The following FBN3 variants were observed in gnomAD, a reference collection of about 807,000 sequenced individuals.
The protein encoded by FBN3 is fibrillin 3.
In FBN3, 234 loss-of-function variants were observed where a neutral mutation model predicts 330.1. That is an observed-to-expected ratio of 0.71 (90% CI 0.64 to 0.79). The LOEUF is 0.79. FBN3 is among the 30% of genes least tolerant of loss of function. FBN3 has a pLI of 0.00. For synonymous variants in FBN3, 1,458 were observed against 1,517.3 expected (o/e 0.96, Z 0.91); for missense variants, 3,606 against 3,886.9 (o/e 0.93, Z 1.92).
intron 57 of FBN3, among the ~76,000 whole-genome samples, chr19:8,082,135 T>A (rs1055343432): frequency 3.3e-4 from 13 of 39,862 alleles, no homozygotes. Flanking sequence ...ATTTTTTTTC[T>A]TTTTTTCTTT....
chr19:8,132,987 T>G lies in FBN3; in HGVS notation c.1711A>C (p.Met571Leu). ...GCCAGTCTGGCTCCAGGCTCACCCA[T>G]GCAGTAGTGGCCGCCAGGCGCCAGC... The part of the protein sequence containing the change: ...FLLAPGGHYC[M>L]DIDECQTPGI... The change falls in exon 14 of 64, where the codon ATG becomes CTG. Residue 571 changes from methionine to leucine, a missense_variant. Transcript: ENST00000600128. 6.4e-7 allele frequency: 1 copy of G among 1,557,306 alleles called. No homozygotes were observed. Among genetic ancestry groups the G allele is most frequent in the Non-Finnish European group, 8.7e-7 (1 of 1,154,864 alleles).
intron 54 of FBN3, 139 bp from the exon 55 acceptor site, chr19:8,086,464 TA>T (rs200959862): frequency 2.4e-5 from 7 of 294,790 alleles, no homozygotes; most frequent in African/African-American, 4.7e-5. Context: ...TTATTATTAT[TA>T]TTATTTTTTG....
intron 57 of FBN3, among the ~76,000 whole-genome samples, chr19:8,082,410 CTT>C (rs2081819367): frequency 6.7e-6 from 1 of 149,380 alleles, no homozygotes; most frequent in Non-Finnish European, 1.5e-5. Context: ...TCTTTCTCCC[CTT>C]TCTCTTTGTT....
At chr19:8,072,750 A>C (rs2081545693) in intron 62 of FBN3, among the ~76,000 whole-genome samples, 1 of 145,560 alleles carries the variant, frequency 6.9e-6, no homozygotes, top group South Asian at 2.1e-4. Context: ...ACACGTGTGC[A>C]TGCTGGGATC....
chr19:8,135,824 G>T, intron 13 of FBN3, 137 bp downstream of exon 13: 1 of 895,164 alleles, frequency 1.1e-6, no homozygotes, highest in Non-Finnish European at 1.7e-6. Flanking sequence ...CAGGTGGGCT[G>T]CTGGGTTCAG....
Position 8,096,511 on chromosome 19 carries a change from TG to T in FBN3, c.5471del (p.Thr1824LysfsTer55). 6.2e-7 allele frequency: 1 copy of T among 1,614,002 alleles called. No homozygotes were observed. The highest frequency in any genetic ancestry group is 8.5e-7 in the Non-Finnish European group (1 of 1,179,972). On this transcript the variant is annotated frameshift_variant, in exon 44 of 64. Transcript: ENST00000600128. LOFTEE classifies it high-confidence loss of function. The surrounding 1 kb of genome is among the most constrained non-coding windows in gnomAD (Gnocchi z 4.6). The stretch of plus-strand genomic sequence containing the variant: ...GACACAGACACATGTAGCTGCCTTC[TG>T]TGTCCATGCAGTCACCATGGCTACA... The part of the protein sequence containing the change: ...NVCSHGDCMD[T>X]EGSYMCLCHR...
intron 37 of FBN3, 84 bp from the exon 38 acceptor site, chr19:8,106,317 C>T: frequency 6.7e-7 from 1 of 1,485,606 alleles, no homozygotes. Flanking sequence ...TCTGGGTTCT[C>T]CAGGGCCCTC....
chr19:8,081,222 G>T, intron 58 of FBN3, 103 bp from the exon 59 acceptor site: 1 of 1,492,884 alleles, frequency 6.7e-7, no homozygotes, highest in Non-Finnish European at 9.2e-7. Flanking sequence ...GGTGACAAGA[G>T]AAAGACCTCG....
In FBN3 at chr19:8,131,134, A is replaced by T; in HGVS notation, c.2044+101T>A. 2 of 1,133,550 alleles carry T rather than the reference A, an allele frequency of 1.8e-6. No individual in the cohort carries two copies. Among genetic ancestry groups the T allele is most frequent in the Non-Finnish European group, 2.5e-6 (2 of 788,632 alleles). 70.2% of individuals were successfully genotyped at this position (1,133,550 alleles called of 1,614,324 possible). On this transcript the variant is annotated intron_variant, in intron 16 of 63. Transcript: ENST00000600128. This position sits in a 1 kb window ranked among gnomAD's most constrained non-coding sequence, Gnocchi z 4.5. ...GCCGTCTGGTCTGGGGCACTTTGTT[A>T]CGGGAACCCCGGGCCAACTCCTACA...
At chr19:8,130,221 G>A (rs1458693840) in intron 16 of FBN3, among the ~76,000 whole-genome samples, 2 of 151,436 alleles carry the variant, frequency 1.3e-5, no homozygotes, top group Non-Finnish European at 1.5e-5. Context: ...TTTAAAAATT[G>A]GCTGGGCATG....
chr19:8,080,979 C>A, intron 59 of FBN3, 24 bp downstream of exon 59: 3 of 1,524,120 alleles, frequency 2.0e-6, no homozygotes, highest in Non-Finnish European at 2.7e-6. Flanking sequence ...GGTCACCTCC[C>A]GGTGAGGGGC....
At chr19:8,123,611 C>G in intron 23 of FBN3, 22 bp from the exon 24 acceptor site, 3 of 1,613,178 alleles carry the variant, frequency 1.9e-6, no homozygotes, top group South Asian at 2.2e-5. Flanking sequence ...GGGCATCAAA[C>G]CACCCTGACG....
intron 38 of FBN3, among the ~76,000 whole-genome samples, chr19:8,104,139 C>A (rs939755106): frequency 1.9e-5 from 2 of 107,060 alleles, no homozygotes; most frequent in South Asian, 2.9e-4. Flanking sequence ...AACAAACAAA[C>A]GAACAAAAAC....
chr19:8,136,207 G>A lies in FBN3; in HGVS notation c.1448C>T (p.Thr483Ile), dbSNP rs776266463. The change falls in exon 12 of 64, where the codon ACC becomes ATC. Residue 483 changes from threonine (T) to isoleucine (I), a missense_variant. By Grantham distance (89) the Thr-to-Ile change is moderately conservative (BLOSUM62 -1). Coordinates refer to ENST00000600128, the MANE Select transcript of FBN3 (RefSeq NM_032447.5). Reference protein sequence around the residue: ...RCYPGFQATPTRQACVDVDEC... With the variant: ...RCYPGFQATPIRQACVDVDEC... ...AGCCGTACCCACGCATGCCTGCCTGGTGGGCGTGGCCTGGAAGCCCGGGTA... is the reference window on the plus strand; with the variant it reads ...AGCCGTACCCACGCATGCCTGCCTGATGGGCGTGGCCTGGAAGCCCGGGTA... 6.2e-7 allele frequency: 1 copy of A among 1,613,408 alleles called. No individual in the cohort carries two copies. The highest frequency in any genetic ancestry group is 1.1e-5 in the South Asian group (1 of 91,012).
intron 5 of FBN3, among the ~76,000 whole-genome samples, chr19:8,145,373 C>CAAAAAA (rs55926242): frequency 1.2e-5 from 1 of 86,372 alleles, no homozygotes; most frequent in Non-Finnish European, 2.1e-5. Flanking sequence ...AACTCCATCT[C>CAAAAAA]AAAAAAAAAA....
chr19:8,080,833 G>T (rs1406214646), intron 59 of FBN3, among the ~76,000 whole-genome samples, 170 bp downstream of exon 59: 6 of 152,080 alleles, frequency 3.9e-5, no homozygotes, highest in Non-Finnish European at 5.9e-5. Flanking sequence ...TGTTGGCCAG[G>T]CTGGTCTTGA....
In FBN3 at chr19:8,131,120, TGG is replaced by T; in HGVS notation, c.2044+113_2044+114del. 1.1e-6 allele frequency: 1 copy of T among 912,618 alleles called. No individual in the cohort carries two copies. The highest frequency in any genetic ancestry group is 1.7e-6 in the Non-Finnish European group (1 of 593,760). 56.5% of individuals were successfully genotyped at this position (912,618 alleles called of 1,614,324 possible). A position where few individuals can be genotyped will look rare whatever the true frequency, so the allele number is the denominator to read the frequency against. ...CTTCTGTTGTTGAAGCCGTCTGGTCTGGGGCACTTTGTTACGGGAACCCCGGG... is the reference window on the plus strand; with the variant it reads ...CTTCTGTTGTTGAAGCCGTCTGGTCTGGCACTTTGTTACGGGAACCCCGGG... On this transcript the variant is annotated intron_variant, in intron 16 of 63. Transcript: ENST00000600128. This position sits in a 1 kb window ranked among gnomAD's most constrained non-coding sequence, Gnocchi z 4.5.
Position 8,073,246 on chromosome 19 carries a change from C to T in FBN3, c.7754G>A (p.Arg2585His), listed in dbSNP as rs775168991. The T allele has an allele frequency of 3.2e-5, 52 of 1,613,904 alleles. 1 individual carries two copies. In the Middle Eastern group the frequency reaches 6.6e-4, roughly 20 times the overall value. The change falls in exon 62 of 64, where the codon CGC becomes CAC. Residue 2585 changes from arginine (R) to histidine (H), a missense_variant. By Grantham distance (29) the Arg-to-His change is conservative. Coordinates refer to ENST00000600128, the MANE Select transcript of FBN3 (RefSeq NM_032447.5). ...GCAGCGGAAGCCACCAAGAGTGTTG[C>T]GACAGGAGGCGCTCCCGCAGGTGGG... The part of the protein sequence containing the change: ...SPPTCGSASC[R>H]NTLGGFRCVC...
At chr19:8,067,123 C>CTTTTTTTTTTTTT (rs997965759) in intron 63 of FBN3, among the ~76,000 whole-genome samples, 1 of 147,424 alleles carries the variant, frequency 6.8e-6, no homozygotes, top group Non-Finnish European at 1.5e-5. Context: ...GTTTCTTCTT[C>CTTTTTTTTTTTTT]TTTTTCTTTT....
Sources: allele counts gnomAD v4.1 joint callset (sites outside exome capture counted in the v4.1 genomes callset), GRCh38; gene constraint gnomAD v4.1.1; non-coding constraint Gnocchi (gnomAD v3.1); transcripts MANE v1.5; gene names NCBI Gene and HGNC (gene_info 2026-07-23, HGNC 2026-07-21).